SUSD1: variants seen among roughly 807,000 people sequenced by gnomAD.
The protein encoded by SUSD1 is sushi domain-containing protein 1.
SUSD1 carries 65 observed loss-of-function variants against 86.9 expected under a neutral mutation model. The observed-to-expected ratio is 0.75, with a 90% CI of 0.61 to 0.92. The LOEUF (loss-of-function observed/expected upper bound fraction) is 0.92. SUSD1 is among the 40% of genes least tolerant of loss of function. SUSD1 has a pLI of 0.00. For missense variants in SUSD1, 850 were observed against 929.7 expected (o/e 0.91, Z 1.11); for synonymous variants, 346 against 350.0 (o/e 0.99, Z 0.13).
At chr9:112,062,335 C>A (rs1000727816) in intron 13 of SUSD1, among the ~76,000 whole-genome samples, 51 of 152,146 alleles carry the variant, frequency 3.4e-4, no homozygotes, top group African/African-American at 1.1e-3. Flanking sequence ...TACCCAGGGA[C>A]CAAAGGAATG....
chr9:112,055,205 C>T (rs994217615), intron 14 of SUSD1, among the ~76,000 whole-genome samples: 7 of 152,136 alleles, frequency 4.6e-5, no homozygotes, highest in African/African-American at 1.7e-4. Context: ...GCAGGTGGAT[C>T]GCTTGAGCCC....
intron 6 of SUSD1, among the ~76,000 whole-genome samples, chr9:112,118,777 G>A (rs1368752042): frequency 2.6e-5 from 4 of 152,090 alleles, no homozygotes; most frequent in Non-Finnish European, 5.9e-5. Flanking sequence ...GAGCCACCGC[G>A]CCCAGCCAGG....
chr9:112,155,514 G>T (rs546206426), intron 2 of SUSD1, among the ~76,000 whole-genome samples: 30 of 152,170 alleles, frequency 2.0e-4, no homozygotes, highest in Non-Finnish European at 4.0e-4. Context: ...ATGGGCAATG[G>T]TGGGTGACTG....
intron 5 of SUSD1, among the ~76,000 whole-genome samples, chr9:112,129,951 T>C (rs1831944135): frequency 6.6e-6 from 1 of 152,194 alleles, no homozygotes; most frequent in Non-Finnish European, 1.5e-5. Flanking sequence ...ATATTTATTA[T>C]CCAACACAGG....
At chr9:112,128,937 G>A (rs916668928) in intron 5 of SUSD1, among the ~76,000 whole-genome samples, 1 of 152,094 alleles carries the variant, frequency 6.6e-6, no homozygotes, top group African/African-American at 2.4e-5. Context: ...TATAAATCTT[G>A]GGTTTTATTT....
At chr9:112,167,123 G>A (rs202034727) in intron 1 of SUSD1, among the ~76,000 whole-genome samples, 3 of 112,086 alleles carry the variant, frequency 2.7e-5, no homozygotes, top group African/African-American at 1.1e-4. Flanking sequence ...ATTTTTTTTT[G>A]TCTCCCTCTT....
intron 1 of SUSD1, among the ~76,000 whole-genome samples, chr9:112,166,802 G>A (rs1302456737): frequency 6.6e-6 from 1 of 152,146 alleles, no homozygotes; most frequent in Non-Finnish European, 1.5e-5. Flanking sequence ...AGTAACCGAG[G>A]GAATGACTGC....
chr9:112,157,498 A>G lies in SUSD1; in HGVS notation c.217+2T>C. Reference sequence around the variant, plus strand: ...CAACTTAACCCAGAGTTCAGAACTTACCAACACACTGAGTCCTCCCGTTCC... The same window carrying G: ...CAACTTAACCCAGAGTTCAGAACTTGCCAACACACTGAGTCCTCCCGTTCC... On this transcript the variant is annotated splice_donor_variant, in intron 2 of 16. Coordinates refer to ENST00000374270, the MANE Select transcript of SUSD1 (RefSeq NM_022486.5). LOFTEE classifies it high-confidence loss of function. The G allele has an allele frequency of 6.2e-7, 1 of 1,608,526 alleles. No individual in the cohort carries two copies. Among genetic ancestry groups the G allele is most frequent in the South Asian group, 1.1e-5 (1 of 90,802 alleles).
chr9:112,083,397 G>A (rs533715954), intron 10 of SUSD1, among the ~76,000 whole-genome samples: 3 of 152,046 alleles, frequency 2.0e-5, no homozygotes, highest in Admixed American at 6.6e-5. Context: ...CTGGCTAATT[G>A]TTGTATTTGT....
intron 14 of SUSD1, among the ~76,000 whole-genome samples, chr9:112,053,891 T>C (rs542470019): frequency 1.1e-4 from 16 of 152,264 alleles, no homozygotes; most frequent in African/African-American, 3.9e-4. Context: ...AGGCAAGAGA[T>C]GACAAAGTCT....
intron 9 of SUSD1, among the ~76,000 whole-genome samples, chr9:112,100,379 G>T (rs920490769): frequency 6.6e-6 from 1 of 151,812 alleles, no homozygotes; most frequent in South Asian, 2.1e-4. Flanking sequence ...GTAGAGATGG[G>T]GTTTCACCGT....
At chr9:112,107,428 G>A (rs552451122) in intron 8 of SUSD1, among the ~76,000 whole-genome samples, 6 of 152,014 alleles carry the variant, frequency 3.9e-5, no homozygotes, top group East Asian at 3.9e-4. Flanking sequence ...CAGCCTGGGC[G>A]ACACAGCGAG....
intron 12 of SUSD1, among the ~76,000 whole-genome samples, chr9:112,067,779 C>G (rs1829054383): frequency 6.6e-6 from 1 of 152,026 alleles, no homozygotes; most frequent in Non-Finnish European, 1.5e-5. Context: ...AGAGAAAGAG[C>G]TATTAAAAAC....
chr9:112,043,409 A>C, intron 15 of SUSD1, among the ~76,000 whole-genome samples: 1 of 151,730 alleles, frequency 6.6e-6, no homozygotes, highest in Non-Finnish European at 1.5e-5. Flanking sequence ...GACAGCTTCG[A>C]CTCTGTGATT....
In SUSD1 at chr9:112,143,530, T is replaced by G. The variant is rs1305043904; in HGVS notation, c.467A>C (p.Tyr156Ser). 1 of 1,614,116 alleles carries G rather than the reference T, an allele frequency of 6.2e-7. No homozygotes were observed. The highest frequency in any genetic ancestry group is 1.1e-5 in the South Asian group (1 of 91,072). ...AGGTTCAGGTCCATTCCTTGGCAAG[T>G]ATCCATCCATACAGTAGCATTCAAA... Reference protein sequence around the residue: ...GSFECYCMDGYLPRNGPEPFH... With the variant: ...GSFECYCMDGSLPRNGPEPFH... Residue 156 changes from tyrosine (Y) to serine (S), a missense_variant, in exon 4 of 17, where the codon TAC becomes TCC. By Grantham distance (144) the Tyr-to-Ser change is moderately radical (BLOSUM62 -2). Coordinates refer to ENST00000374270, the MANE Select transcript of SUSD1 (RefSeq NM_022486.5).
At chr9:112,145,337 T>C (rs1832765093) in intron 3 of SUSD1, among the ~76,000 whole-genome samples, 1 of 146,808 alleles carries the variant, frequency 6.8e-6, no homozygotes, top group Admixed American at 7.1e-5. Flanking sequence ...TGGAGTGCAA[T>C]GGTGTGATCT....
At chr9:112,076,948 A>G (rs1829542372) in intron 12 of SUSD1, among the ~76,000 whole-genome samples, 3 of 152,212 alleles carry the variant, frequency 2.0e-5, no homozygotes, top group African/African-American at 7.2e-5. Flanking sequence ...ATGAAGACGT[A>G]TGTTTCCCAC....
intron 14 of SUSD1, 119 bp downstream of exon 14, chr9:112,058,309 A>G (rs1159567328): frequency 7.7e-7 from 1 of 1,303,732 alleles, no homozygotes; most frequent in Non-Finnish European, 1.0e-6. Context: ...ATTCACAAAC[A>G]TTTTGTGATT....
chr9:112,124,561 C>G (rs943584778), intron 5 of SUSD1, 125 bp from the exon 6 acceptor site: 1 of 862,624 alleles, frequency 1.2e-6, no homozygotes, highest in East Asian at 2.8e-5. Context: ...AAACACTAAC[C>G]CCATCAAATA....
Sources: gnomAD v4.1 joint callset for allele counts (sites outside exome capture counted in the v4.1 genomes callset) on GRCh38, gnomAD v4.1.1 for gene constraint, MANE v1.5 for transcripts, NCBI Gene and HGNC (gene_info 2026-07-23, HGNC 2026-07-21) for gene names.